The following C3 variants were observed in gnomAD, a reference collection of about 807,000 sequenced individuals.
C3 encodes the protein complement C3, also known as C3 and PZP-like alpha-2-macroglobulin domain-containing protein 1.
C3 carries 97 observed loss-of-function variants against 207.9 expected under a neutral mutation model. The observed-to-expected ratio is 0.47, with a 90% CI of 0.40 to 0.55. C3 has a LOEUF of 0.55. C3 is among the 20% of genes least tolerant of loss of function. The probability of loss-of-function intolerance (pLI) is 0.00; values close to 1 mark genes in which losing one functional copy is unlikely to be tolerated. For missense variants in C3, 1,684 were observed against 2,171.7 expected (o/e 0.78, Z 4.46); for synonymous variants, 848 against 857.6 (o/e 0.99, Z 0.20).
At chr19:6,701,805 G>A (rs11569458) in intron 19 of C3, among the ~76,000 whole-genome samples, 100,125 of 151,928 alleles carry the variant, frequency 0.66, 33,339 homozygotes, top group East Asian at 0.84. Flanking sequence ...GATTATAGGT[G>A]TGAGCCATCG....
chr19:6,703,218 A>G (rs1967710815), intron 17 of C3, among the ~76,000 whole-genome samples: 1 of 152,180 alleles, frequency 6.6e-6, no homozygotes, highest in African/African-American at 2.4e-5. Context: ...CTCCATAAAA[A>G]GAACTAAAAA....
At chr19:6,706,464 T>C (rs1402085419) in intron 17 of C3, among the ~76,000 whole-genome samples, 1 of 151,982 alleles carries the variant, frequency 6.6e-6, no homozygotes, top group East Asian at 1.9e-4. Flanking sequence ...GCCTCCTCCA[T>C]CTCAGATGGG....
At position 6,692,915 on chromosome 19, in the gene C3, GCCTCTTACAAT is replaced by G; in HGVS notation, c.3388_3390+8del. Reference sequence around the variant, plus strand: ...CTCTTCCATTTTGCCCTAAATCCCAGCCTCTTACAATCATTTCTTGGTGTATCACGGGCGCA... The same window carrying G: ...CTCTTCCATTTTGCCCTAAATCCCAGCATTTCTTGGTGTATCACGGGCGCA... On this transcript the variant is annotated splice_donor_variant and splice_donor_5th_base_variant and coding_sequence_variant and intron_variant, in exon 26 of 41. Transcript: ENST00000245907. LOFTEE classifies it high-confidence loss of function. The G allele has an allele frequency of 6.2e-7, 1 of 1,613,632 alleles. No homozygotes were observed. Among genetic ancestry groups the G allele is most frequent in the Non-Finnish European group, 8.5e-7 (1 of 1,179,970 alleles).
chr19:6,692,943 A>G lies in C3; in HGVS notation c.3371T>C (p.Val1124Ala). The G allele has an allele frequency of 6.2e-7, 1 of 1,614,056 alleles. No individual in the cohort carries two copies. The highest frequency in any genetic ancestry group is 2.2e-5 in the East Asian group (1 of 44,872). Residue 1124 changes from valine to alanine, a missense_variant, in exon 26 of 41, where the codon GTG (valine) becomes GCG (alanine). Physicochemically the swap from Val to Ala is moderately conservative, Grantham distance 64. This residue lies in a region of C3 where 1,280 missense variants were observed against 1,739.1 expected (regional missense o/e 0.74). Coordinates refer to ENST00000245907, the MANE Select transcript of C3 (RefSeq NM_000064.4). ...PDGVFQEDAP[V>A]IHQEMIGGLR... ...TCTTACAATCATTTCTTGGTGTATC[A>G]CGGGCGCATCCTCCTGGAAGACCCC...
chr19:6,687,226 G>C (rs923476728), intron 27 of C3, among the ~76,000 whole-genome samples: 6 of 54 alleles, frequency 0.11, no homozygotes, highest in Admixed American at 0.33. Flanking sequence ...CTCCCACCAG[G>C]GGCCAATTTC....
intron 7 of C3, 98 bp from the exon 8 acceptor site, chr19:6,713,607 C>T: frequency 1.1e-6 from 1 of 930,366 alleles, no homozygotes; most frequent in Non-Finnish European, 1.7e-6. Context: ...AGCCCCCAAC[C>T]CACTGCTGGC....
chr19:6,683,163 A>G (rs1424045069), intron 33 of C3: 3 of 152,190 alleles, frequency 2.0e-5, no homozygotes, highest in African/African-American at 4.8e-5. Flanking sequence ...TGTCATGGAA[A>G]GCTCAAAGGA....
chr19:6,695,326 C>T (rs1967509241), intron 23 of C3, among the ~76,000 whole-genome samples: 2 of 152,018 alleles, frequency 1.3e-5, no homozygotes, highest in African/African-American at 4.8e-5. Context: ...TTATTCTACC[C>T]CTACCAAAGG....
At chr19:6,678,990 T>C (rs1917789617) in intron 38 of C3, 135 bp downstream of exon 38, 2 of 736,886 alleles carry the variant, frequency 2.7e-6, no homozygotes, top group Admixed American at 2.0e-5. Flanking sequence ...CCCCTCACAA[T>C]ACATGCTCTC....
chr19:6,715,975 A>C (rs1372248086), intron 4 of C3, among the ~76,000 whole-genome samples: 1 of 152,084 alleles, frequency 6.6e-6, no homozygotes, highest in Non-Finnish European at 1.5e-5. Flanking sequence ...TTCTGTGGAT[A>C]GTGTACTCTG....
chr19:6,693,328 G>C, intron 25 of C3, 84 bp downstream of exon 25: 1 of 1,401,194 alleles, frequency 7.1e-7, no homozygotes, highest in Non-Finnish European at 9.8e-7. Context: ...CTGGCCTAAG[G>C]GACCACCCCT....
Position 6,684,588 on chromosome 19 carries a change from C to T in C3, c.4092G>A (p.Lys1364=), listed in dbSNP as rs1293465972. 3.7e-6 allele frequency: 6 copies of T among 1,613,924 alleles called. No individual in the cohort carries two copies. The highest frequency in any genetic ancestry group is 3.3e-5 in the South Asian group (3 of 91,076). The change falls in exon 32 of 41, where the codon AAG becomes AAA. Residue 1364 remains lysine (K), a synonymous_variant. Coordinates refer to ENST00000245907, the MANE Select transcript of C3 (RefSeq NM_000064.4). ...DQLTCNKFDL[K]VTIKPAPETE... is the part of the protein sequence containing the mutation. The stretch of plus-strand genomic sequence containing the variant: ...TTTCCGGTGCTGGTTTTATGGTGAC[C>T]TTGAGGTCGAATTTATTACAGGTGA...
chr19:6,704,973 A>G (rs1967744154), intron 17 of C3, among the ~76,000 whole-genome samples: 1 of 152,116 alleles, frequency 6.6e-6, no homozygotes, highest in South Asian at 2.1e-4. Context: ...TCCAGAGCTC[A>G]AGCGATCCCG....
At chr19:6,688,615 G>A (rs1039489142) in intron 27 of C3, among the ~76,000 whole-genome samples, 6 of 151,984 alleles carry the variant, frequency 3.9e-5, no homozygotes, top group Admixed American at 3.9e-4. Context: ...CACCTCCCTG[G>A]TTCAAGTGAT....
intron 17 of C3, 28 bp downstream of exon 17, chr19:6,707,048 C>G (rs747846455): frequency 1.3e-6 from 2 of 1,581,750 alleles, no homozygotes; most frequent in Admixed American, 1.7e-5. Context: ...ACGGCCCCCT[C>G]CCCCTGTCCC....
In C3 at chr19:6,677,965, A is replaced by G; in HGVS notation, c.4909T>C (p.Cys1637Arg). 6.2e-7 allele frequency: 1 copy of G among 1,614,096 alleles called. No individual in the cohort carries two copies. Among genetic ancestry groups the G allele is most frequent in the Non-Finnish European group, 8.5e-7 (1 of 1,180,014 alleles). Residue 1637 changes from cysteine to arginine, a missense_variant, in exon 41 of 41, where the codon TGC (cysteine) becomes CGC (arginine). Cys to Arg is a radical substitution (Grantham distance 180, BLOSUM62 -3). Around this residue, in one of 3 missense-constraint regions of C3, gnomAD observed 346 missense variants for 380.1 expected, o/e 0.91. Transcript: ENST00000245907. ...TGTTTCTGGTTCTCTTCGTCTTGGC[A>G]TTCGTCCTCCTCGGGCCAGTGCTCC... ...WVEHWPEEDE[C>R]QDEENQKQCQ...
At chr19:6,699,494 C>T (rs1833792) in intron 19 of C3, among the ~76,000 whole-genome samples, 100,224 of 151,956 alleles carry the variant, frequency 0.66, 33,398 homozygotes, top group East Asian at 0.84. Context: ...TTCCAGCACT[C>T]TGGGAGGCTG....
In C3 at chr19:6,711,050, G is replaced by A. The variant is rs1320366288; in HGVS notation, c.1416C>T (p.Asn472=). The change falls in exon 12 of 41, where the codon AAC becomes AAT. Residue 472 remains asparagine (N), a synonymous_variant. Transcript: ENST00000245907. ...RTELRPGETL[N]VNFLLRMDRA... is the part of the protein sequence containing the mutation. ...GGTCCATTCGCAGGAGGAAGTTGAC[G>A]TTGAGGGTCTCCCCGGGTCTGAGCT... 2.5e-6 allele frequency: 4 copies of A among 1,614,064 alleles called. No homozygotes were observed. The highest frequency in any genetic ancestry group is 2.7e-5 in the African/African-American group (2 of 74,916).
intron 17 of C3, among the ~76,000 whole-genome samples, chr19:6,704,870 C>G (rs1053022247): frequency 6.6e-6 from 1 of 151,778 alleles, no homozygotes; most frequent in South Asian, 2.1e-4. Flanking sequence ...TGTACTTCAG[C>G]CTGGGTGACA....
Sources: allele counts gnomAD v4.1 joint callset (sites outside exome capture counted in the v4.1 genomes callset), GRCh38; gene constraint gnomAD v4.1.1; regional missense constraint gnomAD v4.1.1; transcripts MANE v1.5; gene names NCBI Gene and HGNC (gene_info 2026-07-23, HGNC 2026-07-21).